The following COQ5 variants were observed in gnomAD, a reference collection of about 807,000 sequenced individuals.
COQ5 encodes the protein coenzyme Q5, methyltransferase.
Under a neutral mutation model 40.5 loss-of-function variants are expected in COQ5, and 27 were observed. That is an observed-to-expected ratio of 0.67 (90% confidence interval 0.49 to 0.92). The LOEUF is 0.92. Ranked by LOEUF, COQ5 falls within the 40% of genes least tolerant of loss-of-function variation. COQ5 has a pLI of 0.00. For synonymous variants in COQ5, 141 were observed against 150.0 expected (o/e 0.94, Z 0.44); for missense variants, 409 against 406.4 (o/e 1.01, Z -0.06).
chr12:120,519,320 AG>A (rs1486129808), intron 2 of COQ5, among the ~76,000 whole-genome samples: 1 of 152,154 alleles, frequency 6.6e-6, no homozygotes. Flanking sequence ...ACACTTTGGG[AG>A]GCCAAGGTGG....
In COQ5 at chr12:120,503,545, G is replaced by A. The variant is rs1388552563; in HGVS notation, c.*239C>T. On this transcript the variant is annotated 3_prime_UTR_variant, in exon 7 of 7. Transcript: ENST00000288532. The stretch of plus-strand genomic sequence containing the variant: ...ACCCTACAGCCAAGAGAAATTAGCA[G>A]TTGAGCAAAGATACAGACCAAATGC... 1.6e-6 allele frequency: 1 copy of A among 635,904 alleles called. No individual in the cohort carries two copies. Among genetic ancestry groups the A allele is most frequent in the Admixed American group, 2.1e-5 (1 of 47,864 alleles). 39.4% of individuals were successfully genotyped at this position (635,904 alleles called of 1,614,324 possible).
intron 3 of COQ5, among the ~76,000 whole-genome samples, chr12:120,514,736 C>CT (rs1402288553): frequency 7.3e-6 from 1 of 136,522 alleles, no homozygotes; most frequent in Non-Finnish European, 1.6e-5. Context: ...GGGCAAGACT[C>CT]TGTCTCAGAA....
In COQ5 at chr12:120,503,759, T is replaced by C; in HGVS notation, c.*25A>G. On this transcript the variant is annotated 3_prime_UTR_variant, in exon 7 of 7. Coordinates refer to ENST00000288532, the MANE Select transcript of COQ5 (RefSeq NM_032314.4). ...CAGGCTTTCAACAGGATATGACTGG[T>C]TCATGCTCCATGATAGGAAAGGAAT... The C allele has an allele frequency of 6.4e-7, 1 of 1,555,488 alleles. No individual in the cohort carries two copies. The highest frequency in any genetic ancestry group is 8.9e-7 in the Non-Finnish European group (1 of 1,126,716).
At chr12:120,515,485 G>A (rs1869340181) in intron 3 of COQ5, among the ~76,000 whole-genome samples, 1 of 152,194 alleles carries the variant, frequency 6.6e-6, no homozygotes, top group African/African-American at 2.4e-5. Flanking sequence ...TCTGCTGTTC[G>A]TATTTACCAC....
intron 3 of COQ5, among the ~76,000 whole-genome samples, chr12:120,514,745 AAACAACAACAAC>A (rs375392327): frequency 2.7e-5 from 4 of 147,928 alleles, no homozygotes; most frequent in Admixed American, 6.8e-5. Flanking sequence ...TCTGTCTCAG[AAACAACAACAAC>A]AACAACAACA....
chr12:120,511,945 C>T (rs537508670), intron 3 of COQ5, among the ~76,000 whole-genome samples: 13 of 152,324 alleles, frequency 8.5e-5, no homozygotes, highest in Admixed American at 2.6e-4. Context: ...GGTGTGGTGG[C>T]TCACGCCTGT....
chr12:120,514,164 C>T (rs1869270879), intron 3 of COQ5, among the ~76,000 whole-genome samples: 1 of 152,122 alleles, frequency 6.6e-6, no homozygotes, highest in African/African-American at 2.4e-5. Flanking sequence ...TGTCTAAAAA[C>T]ACTAGCGACT....
chr12:120,528,559 C>G (rs1031753898), intron 1 of COQ5, among the ~76,000 whole-genome samples: 6 of 152,086 alleles, frequency 3.9e-5, no homozygotes, highest in Non-Finnish European at 5.9e-5. Context: ...GCCTGTAATC[C>G]CAGCACTTTG....
chr12:120,506,369 A>AT (rs762809704), intron 4 of COQ5, among the ~76,000 whole-genome samples: 155 of 142,416 alleles, frequency 1.1e-3, no homozygotes, highest in Middle Eastern at 7.2e-3. Flanking sequence ...CCTGTTTAAA[A>AT]TTTTTTTTTT....
chr12:120,516,400 G>A (rs1173513311), intron 3 of COQ5, among the ~76,000 whole-genome samples, 167 bp downstream of exon 3: 2 of 151,982 alleles, frequency 1.3e-5, no homozygotes, highest in African/African-American at 4.8e-5. Flanking sequence ...CATACATAAT[G>A]CATATAACAG....
chr12:120,527,988 C>A (rs1181710748), intron 1 of COQ5, among the ~76,000 whole-genome samples: 1 of 23,036 alleles, frequency 4.3e-5, no homozygotes, highest in Non-Finnish European at 8.1e-5. Flanking sequence ...GACTCAGTCT[C>A]AAAAAAAAAA....
intron 3 of COQ5, among the ~76,000 whole-genome samples, chr12:120,514,542 A>G (rs1179395597): frequency 6.6e-6 from 1 of 151,908 alleles, no homozygotes; most frequent in Non-Finnish European, 1.5e-5. Context: ...GGAGTTCGAG[A>G]CCAGCCTGGC....
At chr12:120,513,497 G>A (rs1869236549) in intron 3 of COQ5, among the ~76,000 whole-genome samples, 1 of 140,420 alleles carries the variant, frequency 7.1e-6, no homozygotes, top group Non-Finnish European at 1.5e-5. Context: ...GCGAGACTCC[G>A]TCTCAAAAAA....
At position 120,516,790 on chromosome 12, in the gene COQ5, T is replaced by C. The variant is rs1565931612; in HGVS notation, c.353-2A>G. 1.2e-6 allele frequency: 2 copies of C among 1,613,042 alleles called. No individual in the cohort carries two copies. Among genetic ancestry groups the C allele is most frequent in the Middle Eastern group, 1.7e-4 (1 of 6,056 alleles). On this transcript the variant is annotated splice_acceptor_variant, in intron 2 of 6. Transcript: ENST00000288532. LOFTEE classifies it high-confidence loss of function. ...TAAGGAACCGGAATGCAATGTCACCTGTGGGAAGCCAACATGAGGAAAGAT... is the reference window on the plus strand; with the variant it reads ...TAAGGAACCGGAATGCAATGTCACCCGTGGGAAGCCAACATGAGGAAAGAT...
At chr12:120,526,522 C>T in intron 1 of COQ5, 2 of 452,636 alleles carry the variant, frequency 4.4e-6, no homozygotes, top group East Asian at 7.0e-5. Flanking sequence ...GTGATGCCAG[C>T]AAAAACTTTC....
At chr12:120,523,779 G>C (rs778424173) in intron 1 of COQ5, 10 of 241,336 alleles carry the variant, frequency 4.1e-5, no homozygotes, top group Non-Finnish European at 8.5e-5. Context: ...GGAGTCCAAG[G>C]GGGGTGGTTC....
chr12:120,516,644 C>T lies in COQ5; in HGVS notation c.497G>A (p.Arg166His), dbSNP rs529965711. ...CTTGTTGATGTCACACACCACGACA[C>T]GAGACCCGCCCAAGGAATCTTCTTC... ...QNEEDSLGGS[R>H]VVVCDINKEM... The change falls in exon 3 of 7, where the codon CGT becomes CAT. Residue 166 changes from arginine (R) to histidine (H), a missense_variant. Arg to His is a conservative substitution (Grantham distance 29). Coordinates refer to ENST00000288532, the MANE Select transcript of COQ5 (RefSeq NM_032314.4). 3.6e-5 allele frequency: 58 copies of T among 1,614,190 alleles called. No homozygotes were observed. The highest frequency in any genetic ancestry group is 2.1e-4 in the South Asian group (19 of 91,084).
chr12:120,522,625 C>T (rs1333429503), intron 1 of COQ5: 2 of 652,542 alleles, frequency 3.1e-6, no homozygotes, highest in African/African-American at 3.6e-5. Flanking sequence ...GGGGTCACAC[C>T]AGTCCTTCTG....
chr12:120,523,993 G>A (rs1023060039), intron 1 of COQ5: 2 of 339,426 alleles, frequency 5.9e-6, no homozygotes, highest in Non-Finnish European at 1.2e-5. Context: ...CTGGGCGACA[G>A]AGAGAGACTC....
Sources: allele counts gnomAD v4.1 joint callset (sites outside exome capture counted in the v4.1 genomes callset), GRCh38; gene constraint gnomAD v4.1.1; transcripts MANE v1.5; gene names NCBI Gene and HGNC (gene_info 2026-07-23, HGNC 2026-07-21).